The following FNDC5 variants were observed in gnomAD, a reference collection of about 807,000 sequenced individuals.
FNDC5 encodes fibronectin type III domain-containing protein 5.
A neutral mutation model predicts 24.6 loss-of-function variants in FNDC5; 10 were observed. The ratio of observed to expected loss-of-function variants is 0.41; its 90% CI spans 0.25 to 0.69. The LOEUF (loss-of-function observed/expected upper bound fraction) is 0.69. Ranked by LOEUF, FNDC5 falls within the 30% of genes least tolerant of loss-of-function variation. The probability of loss-of-function intolerance (pLI) is 0.34; values close to 1 mark genes in which losing one functional copy is unlikely to be tolerated. For synonymous variants in FNDC5, 90 were observed against 110.7 expected (o/e 0.81, Z 1.18); for missense variants, 226 against 282.9 (o/e 0.80, Z 1.44).
chr1:32,864,925 C>G, intron 4 of FNDC5, 128 bp from the exon 5 acceptor site: 1 of 1,366,230 alleles, frequency 7.3e-7, no homozygotes, highest in Non-Finnish European at 9.8e-7. Flanking sequence ...AGCACCCTCC[C>G]TCTGCCCTCT....
rs1006269542 is a variant in FNDC5 at position 32,864,197 on chromosome 1, G to T, written c.*97C>A. On this transcript the variant is annotated 3_prime_UTR_variant, in exon 6 of 6. Coordinates refer to ENST00000373471, the MANE Select transcript of FNDC5 (RefSeq NM_153756.3). ...GAGGGAAGAGATGTAGAGAGGGCCA[G>T]ATGTTTGTTGGATAATCATCATCAG... 6.2e-7 allele frequency: 1 copy of T among 1,612,334 alleles called. No homozygotes were observed. Among genetic ancestry groups the T allele is most frequent in the Non-Finnish European group, 8.5e-7 (1 of 1,178,938 alleles).
Position 32,864,041 on chromosome 1 carries a change from C to T in FNDC5, c.*253G>A. 1 of 1,407,076 alleles carries T rather than the reference C, an allele frequency of 7.1e-7. No individual in the cohort carries two copies. Among genetic ancestry groups the T allele is most frequent in the South Asian group, 1.4e-5 (1 of 69,658 alleles). The allele number at this position is 1,407,076 out of a possible 1,614,324, so 87.2% of individuals were successfully genotyped here. A position where few individuals can be genotyped will look rare whatever the true frequency, so the allele number is the denominator to read the frequency against. On this transcript the variant is annotated 3_prime_UTR_variant, in exon 6 of 6. Transcript: ENST00000373471. ...TGGCCCCTGGCACCCAGTCTACCCC[C>T]AGCAGTCATCCCTCTGAGTGCAGCC... is the stretch of plus-strand genomic sequence containing the variant.
At chr1:32,869,324 TGTAGG>T (rs2148711306) in intron 1 of FNDC5, among the ~76,000 whole-genome samples, 1 of 152,316 alleles carries the variant, frequency 6.6e-6, no homozygotes, top group African/African-American at 2.4e-5. Context: ...GAGAGAGTTA[TGTAGG>T]GGACATAGGT....
At chr1:32,864,641 C>T (rs976802356) in intron 5 of FNDC5, 23 bp downstream of exon 5, 1 of 1,613,408 alleles carries the variant, frequency 6.2e-7, no homozygotes, top group Non-Finnish European at 8.5e-7. Context: ...GGTGGCCCAC[C>T]CAGGCCCAGG....
At position 32,870,785 on chromosome 1, in the gene FNDC5, G is replaced by A; in HGVS notation, c.-39C>T. 1 of 921,280 alleles carries A rather than the reference G, an allele frequency of 1.1e-6. No homozygotes were observed. The highest frequency in any genetic ancestry group is 1.3e-6 in the Non-Finnish European group (1 of 769,360). 57.1% of individuals were successfully genotyped at this position (921,280 alleles called of 1,614,324 possible). A position where few individuals can be genotyped will look rare whatever the true frequency, so the allele number is the denominator to read the frequency against. ...GCCGGCAGGCCCGGGGCGGCGCAGG[G>A]GGACGCGGCTCCGGCGCCCGGCGGC... is the stretch of plus-strand genomic sequence containing the variant. On this transcript the variant is annotated 5_prime_UTR_variant, in exon 1 of 6. Coordinates refer to ENST00000373471, the MANE Select transcript of FNDC5 (RefSeq NM_153756.3).
chr1:32,869,278 G>A (rs974241450), intron 1 of FNDC5, among the ~76,000 whole-genome samples: 18 of 152,332 alleles, frequency 1.2e-4, no homozygotes, highest in East Asian at 7.7e-4. Flanking sequence ...GGCCTGGGCC[G>A]GGGCCCTATC....
At position 32,864,270 on chromosome 1, in the gene FNDC5, T is replaced by A; in HGVS notation, c.*24A>T. The A allele has an allele frequency of 6.2e-7, 1 of 1,614,218 alleles. No individual in the cohort carries two copies. The highest frequency in any genetic ancestry group is 8.5e-7 in the Non-Finnish European group (1 of 1,180,026). ...CTCTACTGTCTGTCTTCTTAGCTGC[T>A]GAGGGCAAGCACTGAAAAGGTTTTC... On this transcript the variant is annotated 3_prime_UTR_variant, in exon 6 of 6. Coordinates refer to ENST00000373471, the MANE Select transcript of FNDC5 (RefSeq NM_153756.3).
rs1641007858 is a variant in FNDC5 at position 32,863,826 on chromosome 1, T to G, written c.*468A>C. The G allele has an allele frequency of 7.7e-7, 1 of 1,305,394 alleles. No homozygotes were observed. The highest frequency in any genetic ancestry group is 1.5e-5 in the African/African-American group (1 of 65,910). The allele number at this position is 1,305,394 out of a possible 1,614,324, so 80.9% of individuals were successfully genotyped here. ...CAGCCAGGCCTAATTGTGAATAGCC[T>G]TCTTGCAAGGCTGGAAACAGGACAG... On this transcript the variant is annotated 3_prime_UTR_variant, in exon 6 of 6. Transcript: ENST00000373471.
chr1:32,864,547 G>A, intron 5 of FNDC5, 117 bp downstream of exon 5: 13 of 1,559,210 alleles, frequency 8.3e-6, no homozygotes, highest in Middle Eastern at 2.4e-4. Flanking sequence ...CAGCAGCCAA[G>A]TCTGGCTCTG....
chr1:32,868,366 C>T lies in FNDC5; in HGVS notation c.233G>A (p.Arg78His), dbSNP rs140092865. Residue 78 changes from arginine (R) to histidine (H), a missense_variant, in exon 3 of 6, where the codon CGC becomes CAC. Physicochemically the swap from Arg to His is conservative, Grantham distance 29 (BLOSUM62 0). Coordinates refer to ENST00000373471, the MANE Select transcript of FNDC5 (RefSeq NM_153756.3). The surrounding 1 kb of genome is among the most constrained non-coding windows in gnomAD (Gnocchi z 4.8). ...GGTGGTGTTCACCTCCTGGATGAAG[C>T]GCAGCATCCGCACATCCTTCTTCTG... 2.0e-5 allele frequency: 33 copies of T among 1,613,918 alleles called. No homozygotes were observed. The highest frequency in any genetic ancestry group is 1.6e-4 in the Middle Eastern group (1 of 6,080).
At chr1:32,869,287 T>C (rs1641133101) in intron 1 of FNDC5, among the ~76,000 whole-genome samples, 1 of 152,098 alleles carries the variant, frequency 6.6e-6, no homozygotes, top group African/African-American at 2.4e-5. Flanking sequence ...CGGGGCCCTA[T>C]CTAAGGGATG....
In FNDC5 at chr1:32,863,784, G is replaced by GA. The variant is rs1641006934; in HGVS notation, c.*509dup. 1.5e-6 allele frequency: 2 copies of GA among 1,304,482 alleles called. No homozygotes were observed. Among genetic ancestry groups the GA allele is most frequent in the South Asian group, 1.2e-5 (1 of 81,028 alleles). The allele number at this position is 1,304,482 out of a possible 1,614,324, so 80.8% of individuals were successfully genotyped here. A position where few individuals can be genotyped will look rare whatever the true frequency, so the allele number is the denominator to read the frequency against. On this transcript the variant is annotated 3_prime_UTR_variant, in exon 6 of 6. Coordinates refer to ENST00000373471, the MANE Select transcript of FNDC5 (RefSeq NM_153756.3). ...TGAGGGCTTGTTTGGAAACTGGGAG[G>GA]AAAAAAATGAGAGAAGCAGCCAGGC...
Position 32,863,487 on chromosome 1 carries a change from G to C in FNDC5, c.*807C>G. 1 of 345,990 alleles carries C rather than the reference G, an allele frequency of 2.9e-6. No individual in the cohort carries two copies. Among genetic ancestry groups the C allele is most frequent in the Non-Finnish European group, 5.7e-6 (1 of 176,598 alleles). 21.4% of individuals were successfully genotyped at this position (345,990 alleles called of 1,614,324 possible). ...TCCAGGAGAGGCGAGGAGGCAGAAGGCTGTGTCTCATGCAGCTTTGCCTTT... is the reference window on the plus strand; with the variant it reads ...TCCAGGAGAGGCGAGGAGGCAGAAGCCTGTGTCTCATGCAGCTTTGCCTTT... On this transcript the variant is annotated 3_prime_UTR_variant, in exon 6 of 6. Coordinates refer to ENST00000373471, the MANE Select transcript of FNDC5 (RefSeq NM_153756.3).
chr1:32,867,280 G>C (rs1261949835), intron 4 of FNDC5, among the ~76,000 whole-genome samples: 1 of 152,128 alleles, frequency 6.6e-6, no homozygotes, highest in African/African-American at 2.4e-5. Flanking sequence ...CTAATGGATG[G>C]ATTGAGGGAG....
intron 4 of FNDC5, among the ~76,000 whole-genome samples, chr1:32,865,514 G>A (rs1406974346): frequency 6.6e-6 from 1 of 151,956 alleles, no homozygotes; most frequent in Non-Finnish European, 1.5e-5. Context: ...GCTGGGCGTG[G>A]TGGCAGGTGC....
chr1:32,867,938 G>A, intron 3 of FNDC5, 96 bp from the exon 4 acceptor site: 1 of 1,249,516 alleles, frequency 8.0e-7, no homozygotes. Flanking sequence ...TTCTACAGGT[G>A]CCCACACATC....
Position 32,867,814 on chromosome 1 carries a change from C to T in FNDC5, c.438G>A (p.Arg146=). ...CCTCGCCTGTCCGCAGCTGTTGGTTCCTCCCCATCTCTTTCATGGTTACCT... is the reference window on the plus strand; with the variant it reads ...CCTCGCCTGTCCGCAGCTGTTGGTTTCTCCCCATCTCTTTCATGGTTACCT... Residue 146 remains arginine, a synonymous_variant, in exon 4 of 6, where the codon AGG becomes AGA. Coordinates refer to ENST00000373471, the MANE Select transcript of FNDC5 (RefSeq NM_153756.3). 2 of 1,614,064 alleles carry T rather than the reference C, an allele frequency of 1.2e-6. No individual in the cohort carries two copies. Among genetic ancestry groups the T allele is most frequent in the South Asian group, 1.1e-5 (1 of 91,070 alleles).
At chr1:32,869,721 CAG>C (rs1276124563) in intron 1 of FNDC5, among the ~76,000 whole-genome samples, 1 of 151,928 alleles carries the variant, frequency 6.6e-6, no homozygotes, top group African/African-American at 2.4e-5. Flanking sequence ...CCAGAAGAGA[CAG>C]GAGGGAAGTG....
At chr1:32,864,582 C>CG in intron 5 of FNDC5, 82 bp downstream of exon 5, 1 of 1,597,242 alleles carries the variant, frequency 6.3e-7, no homozygotes, top group Non-Finnish European at 8.5e-7. Flanking sequence ...TGCCAGTCCC[C>CG]GAGCTGACCC....
Sources: gnomAD v4.1 joint callset for allele counts (sites outside exome capture counted in the v4.1 genomes callset) on GRCh38, gnomAD v4.1.1 for gene constraint, Gnocchi (gnomAD v3.1) non-coding constraint, MANE v1.5 for transcripts, NCBI Gene and HGNC (gene_info 2026-07-23, HGNC 2026-07-21) for gene names.